ZNF875: variants seen among roughly 807,000 people sequenced by gnomAD.
The protein encoded by ZNF875 is HKR1, GLI-Kruppel zinc finger family member.
In ZNF875, 14 loss-of-function variants were observed where a neutral mutation model predicts 11.2. The observed-to-expected ratio is 1.26, with a 90% CI of 0.83 to 1.96. ZNF875 has a LOEUF of 1.96. Among genes scored for constraint, ZNF875 ranks in the 30% most tolerant of loss-of-function variants. The probability of loss-of-function intolerance (pLI) is 0.00; values close to 1 mark genes in which losing one functional copy is unlikely to be tolerated. For missense variants in ZNF875, 752 were observed against 760.4 expected (o/e 0.99, Z 0.13); for synonymous variants, 301 against 281.1 (o/e 1.07, Z -0.71).
intron 4 of ZNF875, among the ~76,000 whole-genome samples, chr19:37,350,106 CTTTTTTTTTT>C (rs34388347): frequency 1.6e-5 from 1 of 63,676 alleles, no homozygotes; most frequent in Admixed American, 1.7e-4. Context: ...CCCCACTGGC[CTTTTTTTTTT>C]TTTTTTTTTT....
upstream of ZNF875, among the ~76,000 whole-genome samples, chr19:37,317,685 T>G (rs1459601078): frequency 6.6e-6 from 1 of 152,252 alleles, no homozygotes; most frequent in Non-Finnish European, 1.5e-5. Flanking sequence ...AAGTTTTTGC[T>G]GCGCATGTAG....
chr19:37,316,239 G>A (rs2030181405), upstream of ZNF875, among the ~76,000 whole-genome samples: 1 of 152,312 alleles, frequency 6.6e-6, no homozygotes, highest in Non-Finnish European at 1.5e-5. Flanking sequence ...TCTGTCCTCC[G>A]GAATTGCTAG....
At chr19:37,318,969 T>C (rs965164661) in intron 1 of ZNF875, among the ~76,000 whole-genome samples, 1 of 152,098 alleles carries the variant, frequency 6.6e-6, no homozygotes, top group African/African-American at 2.4e-5. Context: ...GGGGCACGTA[T>C]GTAGAGTAAC....
At chr19:37,342,706 C>CT (rs1452645300) in intron 2 of ZNF875, among the ~76,000 whole-genome samples, 1 of 152,194 alleles carries the variant, frequency 6.6e-6, no homozygotes, top group African/African-American at 2.4e-5. Flanking sequence ...GCCACCACGC[C>CT]TGGCCCAAGT....
chr19:37,354,294 T>C (rs1392238313), intron 4 of ZNF875, among the ~76,000 whole-genome samples: 8 of 117,298 alleles, frequency 6.8e-5, no homozygotes, highest in Admixed American at 6.0e-4. Context: ...CTCTTGTTTC[T>C]GTGGGTTTTA....
Position 37,362,998 on chromosome 19 carries a change from C to G in ZNF875, c.1146C>G (p.Val382=). The G allele has an allele frequency of 6.2e-7, 1 of 1,614,110 alleles. No individual in the cohort carries two copies. The highest frequency in any genetic ancestry group is 8.5e-7 in the Non-Finnish European group (1 of 1,180,042). Residue 382 remains valine, a synonymous_variant, in exon 5 of 5, where the codon GTC becomes GTG. Coordinates refer to ENST00000392153, the MANE Select transcript of ZNF875 (RefSeq NM_001353803.2). ...GRGFRQHSHL[V]RHKRTHSGEK... ...GCTTTCGCCAGCATTCACACCTGGT[C>G]AGACACAAGAGGACACATTCAGGAG...
At chr19:37,326,229 A>G (rs1295206043) in intron 4 of ZNF875, among the ~76,000 whole-genome samples, 1 of 152,186 alleles carries the variant, frequency 6.6e-6, no homozygotes, top group Non-Finnish European at 1.5e-5. Flanking sequence ...GCCATCTTTC[A>G]AGTGCTCAGC....
intron 1 of ZNF875, among the ~76,000 whole-genome samples, chr19:37,318,406 A>G (rs1237033370): frequency 1.3e-5 from 2 of 152,194 alleles, no homozygotes; most frequent in Non-Finnish European, 2.9e-5. Context: ...ACTGTCTCTG[A>G]TAAGGACAGC....
chr19:37,331,145 C>A (rs1329627571), upstream of ZNF875, among the ~76,000 whole-genome samples: 6 of 146,086 alleles, frequency 4.1e-5, no homozygotes, highest in African/African-American at 1.3e-4. Flanking sequence ...CGAGATGGCA[C>A]CACTGCACTC....
chr19:37,350,588 C>T (rs1162066184), intron 4 of ZNF875, among the ~76,000 whole-genome samples: 1 of 149,992 alleles, frequency 6.7e-6, no homozygotes, highest in Non-Finnish European at 1.5e-5. Flanking sequence ...ATTCAGATTT[C>T]ATCAGTTTTT....
At chr19:37,344,063 G>C (rs2036295991) in intron 2 of ZNF875, among the ~76,000 whole-genome samples, 1 of 152,092 alleles carries the variant, frequency 6.6e-6, no homozygotes, top group African/African-American at 2.4e-5. Context: ...AAAGCCATAG[G>C]ATGTCTGCCA....
In ZNF875 at chr19:37,347,099, G is replaced by GA. The variant is rs1311607344; in HGVS notation, c.34-89dup. The stretch of plus-strand genomic sequence containing the variant: ...CCCAAAGTGCTGGGATTACAGGCAT[G>GA]AACCACCGGGCCTGGCCTTGACCTC... On this transcript the variant is annotated intron_variant, in intron 2 of 4. Coordinates refer to ENST00000392153, the MANE Select transcript of ZNF875 (RefSeq NM_001353803.2). 2.5e-6 allele frequency: 4 copies of GA among 1,577,972 alleles called. No individual in the cohort carries two copies. The African/African-American group carries it at 4.0e-5, about 16-fold the overall frequency.
intron 2 of ZNF875, chr19:37,337,863 A>C (rs2034837435): frequency 6.6e-6 from 1 of 152,180 alleles, no homozygotes; most frequent in East Asian, 1.9e-4. Context: ...CATTTTTGAT[A>C]TGGGTTAACT....
At chr19:37,350,173 G>A (rs1256193212) in intron 4 of ZNF875, among the ~76,000 whole-genome samples, 1 of 132,928 alleles carries the variant, frequency 7.5e-6, no homozygotes, top group Non-Finnish European at 1.5e-5. Flanking sequence ...GTGCAAAGGC[G>A]CAATCTCGGC....
In ZNF875 at chr19:37,341,341, G is replaced by A. The variant is rs146592538; in HGVS notation, c.34-5849G>A. Among the ~76,000 whole-genome samples the A allele has an allele frequency of 3.8e-3, 575 of 152,298 alleles. 6 individuals are homozygous for A. The highest frequency in any genetic ancestry group is 0.013 in the African/African-American group (552 of 41,566). On this transcript the variant is annotated intron_variant, in intron 2 of 4. Transcript: ENST00000392153. ...GGTTTTGCAGATTTCACCTGGTCTT[G>A]TCATTTTGCTGCAGTCGGCTGGCAT...
Position 37,362,526 on chromosome 19 carries a change from A to G in ZNF875, c.674A>G (p.Glu225Gly). The G allele has an allele frequency of 1.2e-6, 2 of 1,614,226 alleles. No homozygotes were observed. Among genetic ancestry groups the G allele is most frequent in the Non-Finnish European group, 1.7e-6 (2 of 1,180,046 alleles). Residue 225 changes from glutamate (E) to glycine (G), a missense_variant, in exon 5 of 5, where the codon GAA (glutamate) becomes GGA (glycine). Glu to Gly is a moderately conservative substitution (Grantham distance 98). Transcript: ENST00000392153. ...GGTTTAGAAGTCTCAGGATTTGGAG[A>G]AATCAAATATGAAGAGTTTGGGCCA... ...LHGLEVSGFG[E>G]IKYEEFGPGF... is the part of the protein sequence containing the mutation.
chr19:37,363,287 G>A lies in ZNF875; in HGVS notation c.1435G>A (p.Val479Ile), dbSNP rs1568673958. 6.2e-7 allele frequency: 1 copy of A among 1,613,608 alleles called. No homozygotes were observed. ...QRSHTGEKPF[V>I]CTECGRGFTR... ...GTCACACACGGGGGAGAAGCCATTTGTATGTACGGAGTGTGGGCGAGGCTT... is the reference window on the plus strand; with the variant it reads ...GTCACACACGGGGGAGAAGCCATTTATATGTACGGAGTGTGGGCGAGGCTT... The change falls in exon 5 of 5, where the codon GTA (valine) becomes ATA (isoleucine). Residue 479 changes from valine to isoleucine, a missense_variant. Coordinates refer to ENST00000392153, the MANE Select transcript of ZNF875 (RefSeq NM_001353803.2).
chr19:37,343,282 G>A (rs1268431287), intron 2 of ZNF875, among the ~76,000 whole-genome samples: 1 of 151,492 alleles, frequency 6.6e-6, no homozygotes, highest in Non-Finnish European at 1.5e-5. Flanking sequence ...GGCAGAGGTT[G>A]CAGTGAGCCG....
chr19:37,356,242 G>A (rs1273610303), intron 4 of ZNF875, among the ~76,000 whole-genome samples: 2 of 152,156 alleles, frequency 1.3e-5, no homozygotes, highest in East Asian at 1.9e-4. Flanking sequence ...ATAAGCATAC[G>A]AGTGCAGGTG....
Sources: gnomAD v4.1 joint callset for allele counts (sites outside exome capture counted in the v4.1 genomes callset) on GRCh38, gnomAD v4.1.1 for gene constraint, MANE v1.5 for transcripts, NCBI Gene and HGNC (gene_info 2026-07-23, HGNC 2026-07-21) for gene names.